TJP1: variants seen among roughly 807,000 people sequenced by gnomAD.
TJP1 encodes the protein tight junction protein 1, also known as tight junction protein ZO-1.
In TJP1, 43 loss-of-function variants were observed where a neutral mutation model predicts 194.2. The observed-to-expected ratio is 0.22, with a 90% CI of 0.17 to 0.29. The LOEUF (loss-of-function observed/expected upper bound fraction) is 0.29, where lower values mean the gene tolerates loss of function less well. TJP1 is among the 10% of genes least tolerant of loss of function. TJP1 has a pLI of 1.00. For synonymous variants in TJP1, 801 were observed against 779.0 expected, an observed-to-expected ratio of 1.03 and a Z score of -0.47; for missense variants, 1,971 against 2,185.7, an observed-to-expected ratio of 0.90 and a Z score of 1.96.
intron 2 of TJP1, among the ~76,000 whole-genome samples, chr15:29,934,361 G>A (rs575919492): frequency 6.6e-6 from 1 of 152,266 alleles, no homozygotes; most frequent in African/African-American, 2.4e-5. Flanking sequence ...ACAATTCACG[G>A]TGAAATACCC....
intron 2 of TJP1, among the ~76,000 whole-genome samples, chr15:29,900,494 G>A (rs1392584782): frequency 6.6e-6 from 1 of 152,330 alleles, no homozygotes; most frequent in East Asian, 1.9e-4. Context: ...GAGTTTAGGT[G>A]AGGGTGGTAA....
chr15:29,840,310 C>T (rs1444758335), intron 2 of TJP1, among the ~76,000 whole-genome samples: 1 of 152,110 alleles, frequency 6.6e-6, no homozygotes, highest in Non-Finnish European at 1.5e-5. Context: ...CAGGTCTTCA[C>T]CCAGTCCTAA....
chr15:29,808,446 T>C (rs1241654593), intron 1 of TJP1, among the ~76,000 whole-genome samples: 1 of 152,224 alleles, frequency 6.6e-6, no homozygotes, highest in East Asian at 1.9e-4. Context: ...TTTGAAAATA[T>C]ATCAATCTGT....
intron 1 of TJP1, among the ~76,000 whole-genome samples, chr15:29,964,826 C>T (rs1440333212): frequency 1.3e-5 from 2 of 152,170 alleles, no homozygotes; most frequent in African/African-American, 2.4e-5. Flanking sequence ...ACACTGCAAA[C>T]GCCCCTGCTT....
At chr15:29,929,845 C>T (rs77164702) in intron 2 of TJP1, among the ~76,000 whole-genome samples, 2,580 of 151,570 alleles carry the variant, frequency 0.017, 40 homozygotes, top group Non-Finnish European at 0.024. Context: ...AAACTGAAAG[C>T]TGCCTTTTTG....
chr15:29,859,614 C>A (rs978534754), intron 2 of TJP1, among the ~76,000 whole-genome samples: 1 of 152,020 alleles, frequency 6.6e-6, no homozygotes, highest in African/African-American at 2.4e-5. Flanking sequence ...TCAGAGCCAT[C>A]GTGGTTCTCT....
In TJP1 at chr15:29,700,938, C is replaced by CAGA. The variant is rs2041504556; in HGVS notation, c.*656_*657insTCT. 6.5e-6 allele frequency: 1 copy of CAGA among 153,196 alleles called. No individual in the cohort carries two copies. The allele number at this position is 153,196 out of a possible 1,614,324, so 9.5% of individuals were successfully genotyped here. ...TTAAGAACATGAGGGTAAGGCATTT[C>CAGA]TGCTGGTTAGTATGTCTGTGGTAAT... On this transcript the variant is annotated 3_prime_UTR_variant, in exon 28 of 28. Transcript: ENST00000614355.
chr15:29,786,325 A>C (rs1015407876), intron 2 of TJP1, among the ~76,000 whole-genome samples: 3 of 152,096 alleles, frequency 2.0e-5, no homozygotes, highest in Non-Finnish European at 4.4e-5. Context: ...CCCTTCTTTA[A>C]GACTGTCATT....
chr15:29,910,015 T>C (rs1279072226), intron 2 of TJP1, among the ~76,000 whole-genome samples: 1 of 152,196 alleles, frequency 6.6e-6, no homozygotes, highest in Non-Finnish European at 1.5e-5. Flanking sequence ...GGACTGCGTA[T>C]CTGCATTGAA....
At chr15:29,882,795 G>C (rs1335139349) in intron 2 of TJP1, among the ~76,000 whole-genome samples, 1 of 152,174 alleles carries the variant, frequency 6.6e-6, no homozygotes, top group Non-Finnish European at 1.5e-5. Context: ...CTGGTGGAGG[G>C]TGATTTACAG....
intron 2 of TJP1, among the ~76,000 whole-genome samples, chr15:29,846,779 A>C (rs1267922872): frequency 6.6e-6 from 1 of 151,998 alleles, no homozygotes; most frequent in Non-Finnish European, 1.5e-5. Flanking sequence ...CAAAAAAGTT[A>C]GCCGGGCCTG....
At chr15:29,900,520 A>T (rs1453331495) in intron 2 of TJP1, among the ~76,000 whole-genome samples, 1 of 152,132 alleles carries the variant, frequency 6.6e-6, no homozygotes, top group Non-Finnish European at 1.5e-5. Flanking sequence ...CACATACTGG[A>T]TCTATTCCAA....
At chr15:29,887,759 T>C (rs2152146850) in intron 2 of TJP1, among the ~76,000 whole-genome samples, 1 of 152,310 alleles carries the variant, frequency 6.6e-6, no homozygotes, top group South Asian at 2.1e-4. Context: ...AAACACCAAA[T>C]TGGAAAAAGT....
intron 2 of TJP1, among the ~76,000 whole-genome samples, chr15:29,955,035 G>A (rs1051941203): frequency 2.0e-4 from 31 of 151,982 alleles, no homozygotes; most frequent in Admixed American, 1.6e-3. Flanking sequence ...AGCCGAGATC[G>A]TGCCACTGCA....
At chr15:29,734,506 CAG>C (rs2043894082) in intron 11 of TJP1, 124 bp from the exon 12 acceptor site, 3 of 644,002 alleles carry the variant, frequency 4.7e-6, no homozygotes, top group Non-Finnish European at 5.0e-6. Context: ...TTTTTTGAGA[CAG>C]AGTCTCGCTC....
intron 2 of TJP1, among the ~76,000 whole-genome samples, chr15:29,786,104 T>C (rs976691843): frequency 7.9e-5 from 12 of 152,228 alleles, no homozygotes; most frequent in African/African-American, 2.9e-4. Context: ...TTCTACCAAC[T>C]TGGTAGTTCT....
intron 1 of TJP1, among the ~76,000 whole-genome samples, chr15:29,803,435 G>GT (rs2048915398): frequency 6.6e-6 from 1 of 152,098 alleles, no homozygotes; most frequent in Non-Finnish European, 1.5e-5. Context: ...ATATACTAAT[G>GT]TAAGTGTTCT....
Position 29,700,721 on chromosome 15 carries a change from C to CAAAAAAAAAAAAAAAAAAAAAA in TJP1, c.*873_*874insTTTTTTTTTTTTTTTTTTTTTT, listed in dbSNP as rs11464931. 1 of 140,816 alleles carries CAAAAAAAAAAAAAAAAAAAAAA rather than the reference C, an allele frequency of 7.1e-6. No homozygotes were observed. 8.7% of individuals were successfully genotyped at this position (140,816 alleles called of 1,614,324 possible). On this transcript the variant is annotated 3_prime_UTR_variant, in exon 28 of 28. Coordinates refer to ENST00000614355, the MANE Select transcript of TJP1 (RefSeq NM_001330239.4). ...ACAGAAAACCACCACTGCCCCTTGT[C>CAAAAAAAAAAAAAAAAAAAAAA]AAAAAAAAAAAAAAAGAAAAGAAAA...
chr15:29,937,286 A>C (rs2152278376), intron 2 of TJP1, among the ~76,000 whole-genome samples: 1 of 152,188 alleles, frequency 6.6e-6, no homozygotes, highest in East Asian at 1.9e-4. Flanking sequence ...ACCTTGAACA[A>C]ACATTTGGGG....
Sources: allele counts gnomAD v4.1 joint callset (sites outside exome capture counted in the v4.1 genomes callset), GRCh38; gene constraint gnomAD v4.1.1; transcripts MANE v1.5; gene names NCBI Gene and HGNC (gene_info 2026-07-23, HGNC 2026-07-21).